Variants in SDR9C7 observed in about 807,000 individuals in gnomAD.
SDR9C7 encodes the protein short chain dehydrogenase/reductase family 9C member 7.
Under a neutral mutation model 23.6 loss-of-function variants are expected in SDR9C7, and 11 were observed. That is an observed-to-expected ratio of 0.47 (90% CI 0.29 to 0.77). The LOEUF (loss-of-function observed/expected upper bound fraction) is 0.77. SDR9C7 is among the 30% of genes least tolerant of loss of function. The pLI is 0.09. For synonymous variants in SDR9C7, 167 were observed against 157.3 expected (o/e 1.06, Z -0.46); for missense variants, 387 against 407.1 (o/e 0.95, Z 0.42).
intron 2 of SDR9C7, 115 bp from the exon 3 acceptor site, chr12:56,929,668 C>T (rs1699901994): frequency 1.6e-6 from 2 of 1,262,976 alleles, no homozygotes; most frequent in Non-Finnish European, 2.2e-6. Flanking sequence ...CACCCCTGTA[C>T]TTGGCCCTGG....
intron 3 of SDR9C7, among the ~76,000 whole-genome samples, chr12:56,925,347 T>C (rs559054386): frequency 2.0e-5 from 3 of 152,170 alleles, no homozygotes; most frequent in Non-Finnish European, 4.4e-5. Flanking sequence ...GGATTCATGC[T>C]TCATTGAGAG....
At chr12:56,931,893 C>T (rs1036954205) in intron 1 of SDR9C7, among the ~76,000 whole-genome samples, 6 of 152,128 alleles carry the variant, frequency 3.9e-5, no homozygotes, top group African/African-American at 1.2e-4. Flanking sequence ...CTAGTCCACC[C>T]CTCCCTCTAG....
In SDR9C7 at chr12:56,930,440, C is replaced by A. The variant is rs1262802313; in HGVS notation, c.346G>T (p.Gly116Cys). 1.2e-6 allele frequency: 2 copies of A among 1,614,146 alleles called. No individual in the cohort carries two copies. Among genetic ancestry groups the A allele is most frequent in the South Asian group, 2.2e-5 (2 of 91,074 alleles). The change falls in exon 2 of 4, where the codon GGT becomes TGT. Residue 116 changes from glycine to cysteine, a missense_variant. By Grantham distance (159) the Gly-to-Cys change is radical (BLOSUM62 -3). Transcript: ENST00000293502. Reference sequence around the variant, plus strand: ...TCCTTGGTCAGCCATTCGTTGGGACCACTGGGCAGGCCCACACCAGCATTG... The same window carrying A: ...TCCTTGGTCAGCCATTCGTTGGGACAACTGGGCAGGCCCACACCAGCATTG... Reference protein sequence around the residue: ...VNNAGVGLPSGPNEWLTKDDF... With the variant: ...VNNAGVGLPSCPNEWLTKDDF...
chr12:56,929,203 G>A (rs1592422967), intron 3 of SDR9C7, among the ~76,000 whole-genome samples, 187 bp downstream of exon 3: 1 of 152,046 alleles, frequency 6.6e-6, no homozygotes, highest in Admixed American at 6.5e-5. Context: ...TTAACTCCCC[G>A]GGCTGCTCCA....
chr12:56,928,676 T>C (rs1008880835), intron 3 of SDR9C7, among the ~76,000 whole-genome samples: 1 of 152,102 alleles, frequency 6.6e-6, no homozygotes, highest in Non-Finnish European at 1.5e-5. Flanking sequence ...GTGAAAAAAA[T>C]GGCTGACTTG....
intron 1 of SDR9C7, among the ~76,000 whole-genome samples, chr12:56,931,416 T>A (rs1348734010): frequency 6.6e-6 from 1 of 151,792 alleles, no homozygotes; most frequent in East Asian, 1.9e-4. Flanking sequence ...AAAATAATTA[T>A]GGAAAATGTG....
rs1257641194 is a variant in SDR9C7 at position 56,929,385 on chromosome 12, C to T, written c.724+5G>A. 1 of 1,595,476 alleles carries T rather than the reference C, an allele frequency of 6.3e-7. No individual in the cohort carries two copies. Among genetic ancestry groups the T allele is most frequent in the East Asian group, 2.3e-5 (1 of 44,266 alleles). The stretch of plus-strand genomic sequence containing the variant: ...AGAGACCCCTCTCCTGCCCCAGGAA[C>T]TTACAGATGCGGAAATAATCCTCTC... On this transcript the variant is annotated splice_donor_5th_base_variant and intron_variant, in intron 3 of 3. Coordinates refer to ENST00000293502, the MANE Select transcript of SDR9C7 (RefSeq NM_148897.3).
In SDR9C7 at chr12:56,923,821, A is replaced by T; in HGVS notation, c.*12T>A. 1 of 1,574,998 alleles carries T rather than the reference A, an allele frequency of 6.3e-7. No homozygotes were observed. The highest frequency in any genetic ancestry group is 8.7e-7 in the Non-Finnish European group (1 of 1,155,316). On this transcript the variant is annotated 3_prime_UTR_variant, in exon 4 of 4. Coordinates refer to ENST00000293502, the MANE Select transcript of SDR9C7 (RefSeq NM_148897.3). ...ACTTCTAGGCTCCACTGACCCATTG[A>T]TCCTCCCCAGTTTAGACACTGTCCG...
In SDR9C7 at chr12:56,934,306, A is replaced by G; in HGVS notation, c.-45T>C. The G allele has an allele frequency of 1.3e-6, 2 of 1,544,502 alleles. No homozygotes were observed. The highest frequency in any genetic ancestry group is 1.8e-6 in the Non-Finnish European group (2 of 1,133,574). On this transcript the variant is annotated 5_prime_UTR_variant, in exon 1 of 4. Transcript: ENST00000293502. ...GGCCAAGAGGGACTGGGCTCAGGAG[A>G]CAGCAGGGAAGAAGCTGGTCCTCTG...
chr12:56,928,954 G>A (rs1453367753), intron 3 of SDR9C7, among the ~76,000 whole-genome samples: 2 of 152,160 alleles, frequency 1.3e-5, no homozygotes, highest in Non-Finnish European at 2.9e-5. Context: ...AACCCCATGA[G>A]GGAGGCACTA....
At chr12:56,933,846 A>C in intron 1 of SDR9C7, 115 bp downstream of exon 1, 1 of 1,290,600 alleles carries the variant, frequency 7.7e-7, no homozygotes, top group South Asian at 1.4e-5. Context: ...CTTTCCCTAC[A>C]TCACCCCTCC....
chr12:56,930,433 T>C lies in SDR9C7; in HGVS notation c.353A>G (p.Asn118Ser), dbSNP rs769523649. Residue 118 changes from asparagine (N) to serine (S), a missense_variant, in exon 2 of 4, where the codon AAC (asparagine) becomes AGC (serine). By Grantham distance (46) the Asn-to-Ser change is conservative. Transcript: ENST00000293502. ...AAAGTCATCCTTGGTCAGCCATTCG[T>C]TGGGACCACTGGGCAGGCCCACACC... The part of the protein sequence containing the change: ...NAGVGLPSGP[N>S]EWLTKDDFVK... 6 of 1,614,202 alleles carry C rather than the reference T, an allele frequency of 3.7e-6. No individual in the cohort carries two copies. In the South Asian group the frequency reaches 5.5e-5, roughly 15 times the overall value.
intron 3 of SDR9C7, among the ~76,000 whole-genome samples, chr12:56,929,057 G>T (rs1157611150): frequency 6.6e-6 from 1 of 152,176 alleles, no homozygotes; most frequent in African/African-American, 2.4e-5. Flanking sequence ...GTAGAGCCAG[G>T]ATTTGAACCC....
At position 56,923,711 on chromosome 12, in the gene SDR9C7, G is replaced by T; in HGVS notation, c.*122C>A. The T allele has an allele frequency of 1.3e-6, 1 of 792,116 alleles. No homozygotes were observed. Among genetic ancestry groups the T allele is most frequent in the Non-Finnish European group, 2.0e-6 (1 of 496,608 alleles). The allele number at this position is 792,116 out of a possible 1,614,324, so 49.1% of individuals were successfully genotyped here. A position where few individuals can be genotyped will look rare whatever the true frequency, so the allele number is the denominator to read the frequency against. Reference sequence around the variant, plus strand: ...GTAAATTCGACAGCAGTGGGTGTCAGCTGAGCCAAGCTTCCTTTGCAGCCA... The same window carrying T: ...GTAAATTCGACAGCAGTGGGTGTCATCTGAGCCAAGCTTCCTTTGCAGCCA... On this transcript the variant is annotated 3_prime_UTR_variant, in exon 4 of 4. Coordinates refer to ENST00000293502, the MANE Select transcript of SDR9C7 (RefSeq NM_148897.3).
intron 1 of SDR9C7, among the ~76,000 whole-genome samples, chr12:56,932,204 A>T (rs758860560): frequency 1.5e-5 from 1 of 66,670 alleles, no homozygotes; most frequent in African/African-American, 1.7e-4. Flanking sequence ...GGAGGAAGCT[A>T]ACACGGGAAA....
Position 56,923,719 on chromosome 12 carries a change from A to G in SDR9C7, c.*114T>C. On this transcript the variant is annotated 3_prime_UTR_variant, in exon 4 of 4. Coordinates refer to ENST00000293502, the MANE Select transcript of SDR9C7 (RefSeq NM_148897.3). ...GACAGCAGTGGGTGTCAGCTGAGCCAAGCTTCCTTTGCAGCCAATGCCCCC... is the reference window on the plus strand; with the variant it reads ...GACAGCAGTGGGTGTCAGCTGAGCCGAGCTTCCTTTGCAGCCAATGCCCCC... 1 of 867,922 alleles carries G rather than the reference A, an allele frequency of 1.2e-6. No individual in the cohort carries two copies. Among genetic ancestry groups the G allele is most frequent in the Non-Finnish European group, 1.8e-6 (1 of 562,244 alleles). The allele number at this position is 867,922 out of a possible 1,614,324, so 53.8% of individuals were successfully genotyped here.
In SDR9C7 at chr12:56,933,949, A is replaced by T; in HGVS notation, c.301+12T>A. The stretch of plus-strand genomic sequence containing the variant: ...AGAAACCAAGAAAGCCAAAGAATGT[A>T]ATTCGCCCCACCTTGTTCGCCCACT... On this transcript the variant is annotated intron_variant, in intron 1 of 3. Coordinates refer to ENST00000293502, the MANE Select transcript of SDR9C7 (RefSeq NM_148897.3). 1 of 1,597,788 alleles carries T rather than the reference A, an allele frequency of 6.3e-7. No individual in the cohort carries two copies.
intron 3 of SDR9C7, among the ~76,000 whole-genome samples, chr12:56,928,881 T>C (rs551495713): frequency 2.0e-5 from 3 of 152,322 alleles, no homozygotes; most frequent in South Asian, 4.2e-4. Context: ...TGTGCTCATT[T>C]TCTTCTTTAT....
chr12:56,930,543 T>G (rs1053460373), intron 1 of SDR9C7, 59 bp from the exon 2 acceptor site: 4 of 1,583,120 alleles, frequency 2.5e-6, no homozygotes, highest in East Asian at 2.3e-5. Context: ...AACCAAGTTC[T>G]GCTCCCCACC....
Sources: allele counts gnomAD v4.1 joint callset (sites outside exome capture counted in the v4.1 genomes callset), GRCh38; gene constraint gnomAD v4.1.1; transcripts MANE v1.5; gene names NCBI Gene and HGNC (gene_info 2026-07-23, HGNC 2026-07-21).